The following TSGA10 variants were observed in gnomAD, a reference collection of about 807,000 sequenced individuals.
TSGA10 encodes the protein testis specific 10, also known as testis-specific gene 10 protein.
TSGA10 carries 43 observed loss-of-function variants against 96.6 expected under a neutral mutation model. The ratio of observed to expected loss-of-function variants is 0.44; its 90% confidence interval spans 0.35 to 0.57. TSGA10 has a LOEUF of 0.57. Among genes scored for constraint, TSGA10 ranks in the 20% least tolerant of loss-of-function variants. The pLI is 0.01. For synonymous variants in TSGA10, 229 were observed against 269.9 expected, an observed-to-expected ratio of 0.85 and a Z score of 1.48; for missense variants, 703 against 834.4, an observed-to-expected ratio of 0.84 and a Z score of 1.94.
chr2:99,082,746 C>A (rs2104606964), intron 10 of TSGA10, among the ~76,000 whole-genome samples: 1 of 152,178 alleles, frequency 6.6e-6, no homozygotes, highest in East Asian at 1.9e-4. Flanking sequence ...TCAAAAGACA[C>A]ACAAACTAAA....
At chr2:99,093,634 C>T (rs2089644777) in intron 10 of TSGA10, among the ~76,000 whole-genome samples, 1 of 151,796 alleles carries the variant, frequency 6.6e-6, no homozygotes, top group Admixed American at 6.6e-5. Context: ...AAATCAAGAA[C>T]TCAACACCTT....
intron 16 of TSGA10, among the ~76,000 whole-genome samples, chr2:99,057,494 AT>A (rs2084145880): frequency 6.6e-6 from 1 of 152,190 alleles, no homozygotes; most frequent in African/African-American, 2.4e-5. Context: ...AAACAATTCT[AT>A]TTACAGTTGC....
At chr2:99,147,470 G>A in intron 1 of TSGA10, 3 of 1,613,842 alleles carry the variant, frequency 1.9e-6, no homozygotes, top group African/African-American at 1.3e-5. Flanking sequence ...CACCCTTCAT[G>A]TCCTCAACTC....
At chr2:99,152,276 C>G (rs771967392) in intron 1 of TSGA10, among the ~76,000 whole-genome samples, 16 of 152,146 alleles carry the variant, frequency 1.1e-4, no homozygotes, top group Non-Finnish European at 1.9e-4. Flanking sequence ...TAACACAACA[C>G]AAGACATACC....
intron 20 of TSGA10, among the ~76,000 whole-genome samples, chr2:99,017,093 CAG>C (rs2079573230): frequency 6.6e-6 from 1 of 152,170 alleles, no homozygotes; most frequent in Admixed American, 6.5e-5. Context: ...GAAAACAGTA[CAG>C]AGATTCCATT....
At chr2:99,126,499 T>C (rs1340894364) in intron 2 of TSGA10, 1 of 152,262 alleles carries the variant, frequency 6.6e-6, no homozygotes, top group African/African-American at 2.4e-5. Context: ...CTTTTATACA[T>C]AATGTTCAGA....
chr2:99,065,898 G>GA (rs796622502), intron 15 of TSGA10, among the ~76,000 whole-genome samples: 3 of 152,138 alleles, frequency 2.0e-5, no homozygotes, highest in African/African-American at 7.2e-5. Flanking sequence ...AATAAGGAGG[G>GA]AAAAAAATTC....
chr2:99,150,845 A>G lies in TSGA10; in HGVS notation c.-621+3848T>C, dbSNP rs1289183743. On this transcript the variant is annotated intron_variant, in intron 1 of 20. Coordinates refer to ENST00000393483, the MANE Select transcript of TSGA10 (RefSeq NM_025244.4). The stretch of plus-strand genomic sequence containing the variant: ...ACAGATGTGGAATGAAGCAATTTGT[A>G]CGTATTACCAAAGAAACCAAAAACT... 3 of 1,549,226 alleles carry G rather than the reference A, an allele frequency of 1.9e-6. No homozygotes were observed. The African/African-American group carries it at 4.2e-5, about 22-fold the overall frequency.
Position 99,035,450 on chromosome 2 carries a change from A to G in TSGA10, c.1405-11T>C, listed in dbSNP as rs773751760. On this transcript the variant is annotated splice_polypyrimidine_tract_variant and intron_variant, in intron 16 of 20. Coordinates refer to ENST00000393483, the MANE Select transcript of TSGA10 (RefSeq NM_025244.4). Reference sequence around the variant, plus strand: ...TTCTGCATTTAAGTGCTGTAAGAATAAAATTATATATATGTATGTATACAT... The same window carrying G: ...TTCTGCATTTAAGTGCTGTAAGAATGAAATTATATATATGTATGTATACAT... The G allele has an allele frequency of 4.3e-5, 68 of 1,563,984 alleles. No homozygotes were observed. In the South Asian group the frequency reaches 7.3e-4, roughly 17 times the overall value.
At chr2:99,068,857 T>A (rs767612632) in intron 15 of TSGA10, 31 bp downstream of exon 15, 15 of 1,137,016 alleles carry the variant, frequency 1.3e-5, no homozygotes, top group Non-Finnish European at 1.8e-5. Flanking sequence ...AAACTAAGTA[T>A]CATGAGCAAA....
Position 99,054,260 on chromosome 2 carries a change from G to A in TSGA10, c.1404+10679C>T, listed in dbSNP as rs144024311. Among the ~76,000 whole-genome samples the A allele has an allele frequency of 3.6e-3, 549 of 152,268 alleles. 3 individuals are homozygous for A. The highest frequency in any genetic ancestry group is 0.013 in the African/African-American group (526 of 41,570). ...AATTGACCTTTGACAAAGGTGTCAA[G>A]AAGATGCAGTGGAGAAAGGACGATC... On this transcript the variant is annotated intron_variant, in intron 16 of 20. Coordinates refer to ENST00000393483, the MANE Select transcript of TSGA10 (RefSeq NM_025244.4).
rs548538748 is a variant in TSGA10 at position 99,153,962 on chromosome 2, T to G, written c.-621+731A>C. On this transcript the variant is annotated intron_variant, in intron 1 of 20. Transcript: ENST00000393483. ...GTTGAAAAAGGTGACCACAAATTCT[T>G]TGGGCTTCTTTCATCAAGAGGTGAA... Among the ~76,000 whole-genome samples the G allele has an allele frequency of 3.3e-5, 5 of 152,328 alleles. No homozygotes were observed. In the South Asian group the frequency reaches 8.3e-4, roughly 25 times the overall value.
intron 16 of TSGA10, among the ~76,000 whole-genome samples, chr2:99,051,712 A>G (rs2083409618): frequency 6.6e-6 from 1 of 152,160 alleles, no homozygotes; most frequent in South Asian, 2.1e-4. Flanking sequence ...ATTCTCTAGA[A>G]TAGACACTAC....
chr2:99,130,953 G>A (rs1362026878), intron 1 of TSGA10, among the ~76,000 whole-genome samples: 3 of 152,104 alleles, frequency 2.0e-5, no homozygotes, highest in African/African-American at 4.8e-5. Context: ...CGTTGTTTCT[G>A]AGGCCTCTGT....
intron 20 of TSGA10, among the ~76,000 whole-genome samples, chr2:99,017,193 A>G (rs1027788132): frequency 6.6e-6 from 1 of 152,254 alleles, no homozygotes; most frequent in Non-Finnish European, 1.5e-5. Context: ...TATGAAAAAG[A>G]TACTTGCACA....
rs9692661 is a variant in TSGA10, at chr2:99,048,705, G to A, written c.1405-13266C>T. Among the ~76,000 whole-genome samples, 11 of 152,044 alleles carry A rather than the reference G, an allele frequency of 7.2e-5. No homozygotes were observed. The South Asian group carries it at 8.3e-4, about 11-fold the overall frequency. ...TCATGACTAAAACACCAAAAGCAATGGCAACAAAAGCCAAAATTGACAAAT... is the reference window on the plus strand; with the variant it reads ...TCATGACTAAAACACCAAAAGCAATAGCAACAAAAGCCAAAATTGACAAAT... On this transcript the variant is annotated intron_variant, in intron 16 of 20. Coordinates refer to ENST00000393483, the MANE Select transcript of TSGA10 (RefSeq NM_025244.4).
At chr2:99,084,923 G>A (rs565111256) in intron 10 of TSGA10, among the ~76,000 whole-genome samples, 2 of 151,656 alleles carry the variant, frequency 1.3e-5, no homozygotes, top group African/African-American at 4.8e-5. Flanking sequence ...AAAACCCACT[G>A]ATTACAAAAT....
At chr2:99,078,478 T>A (rs2087023315) in intron 12 of TSGA10, among the ~76,000 whole-genome samples, 181 bp downstream of exon 12, 1 of 152,222 alleles carries the variant, frequency 6.6e-6, no homozygotes, top group South Asian at 2.1e-4. Context: ...ACTAGATTTG[T>A]ACACATGCTT....
rs796524474 is a variant in TSGA10 at position 98,998,132 on chromosome 2, C to CAA, written c.*63_*64dup. ...TTAAAAGATAAATGCACTCATGTAG[C>CAA]AAAAAAAAAAAAATCAGTTTGTAAC... On this transcript the variant is annotated 3_prime_UTR_variant, in exon 21 of 21. Transcript: ENST00000393483. 3.2e-4 allele frequency: 365 copies of CAA among 1,134,034 alleles called. No homozygotes were observed. Among genetic ancestry groups the CAA allele is most frequent in the Admixed American group, 5.1e-4 (20 of 38,934 alleles). The allele number at this position is 1,134,034 out of a possible 1,614,324, so 70.2% of individuals were successfully genotyped here.
Sources: allele counts gnomAD v4.1 joint callset (sites outside exome capture counted in the v4.1 genomes callset), GRCh38; gene constraint gnomAD v4.1.1; transcripts MANE v1.5; gene names NCBI Gene and HGNC (gene_info 2026-07-23, HGNC 2026-07-21).